The following ECT2L variants were observed in gnomAD, a reference collection of about 807,000 sequenced individuals.
ECT2L encodes the protein epithelial cell transforming 2 like.
Under a neutral mutation model 122.8 loss-of-function variants are expected in ECT2L, and 126 were observed. The observed-to-expected ratio is 1.03, with a 90% CI of 0.89 to 1.19. The LOEUF (loss-of-function observed/expected upper bound fraction) is 1.19, where lower values mean the gene tolerates loss of function less well. Among genes scored for constraint, ECT2L ranks in the 50% most tolerant of loss-of-function variants. ECT2L has a pLI of 0.00. For synonymous variants in ECT2L, 385 were observed against 381.8 expected (o/e 1.01, Z -0.10); for missense variants, 1,012 against 1,064.1 (o/e 0.95, Z 0.68).
chr6:138,881,306 C>A, intron 15 of ECT2L, 135 bp downstream of exon 15: 1 of 847,098 alleles, frequency 1.2e-6, no homozygotes, highest in Non-Finnish European at 1.8e-6. Context: ...GCAGCGAGAT[C>A]CTCATCACAT....
intron 12 of ECT2L, among the ~76,000 whole-genome samples, chr6:138,866,715 T>C (rs1320961091): frequency 6.6e-6 from 1 of 152,208 alleles, no homozygotes. Flanking sequence ...TAAAAATATT[T>C]TAAAAATTAA....
At chr6:138,888,593 C>A (rs982966848) in intron 19 of ECT2L, among the ~76,000 whole-genome samples, 3 of 152,154 alleles carry the variant, frequency 2.0e-5, no homozygotes, top group Non-Finnish European at 2.9e-5. Flanking sequence ...GGATTACAGG[C>A]ATGAGCCACC....
At chr6:138,835,640 C>T (rs981489496) in intron 4 of ECT2L, among the ~76,000 whole-genome samples, 4 of 151,874 alleles carry the variant, frequency 2.6e-5, no homozygotes, top group Admixed American at 6.6e-5. Context: ...GAGTAAATTA[C>T]GAACATGATG....
chr6:138,813,252 A>C lies in ECT2L; in HGVS notation c.-23A>C. On this transcript the variant is annotated 5_prime_UTR_variant, in exon 3 of 22. Transcript: ENST00000541398. The stretch of plus-strand genomic sequence containing the variant: ...AAATTTGCTGAGACGTCAGCTGGGG[A>C]TTCTTCCTGGAGAACTCCAGAAATG... 6.3e-7 allele frequency: 1 copy of C among 1,596,072 alleles called. No individual in the cohort carries two copies. Among genetic ancestry groups the C allele is most frequent in the Non-Finnish European group, 8.5e-7 (1 of 1,173,898 alleles).
chr6:138,885,424 C>A, intron 16 of ECT2L, 82 bp from the exon 17 acceptor site: 1 of 1,391,166 alleles, frequency 7.2e-7, no homozygotes, highest in Non-Finnish European at 1.0e-6. Flanking sequence ...TTCAGGCATT[C>A]CATAGATCAT....
At chr6:138,811,772 C>A (rs578135116) in intron 1 of ECT2L, among the ~76,000 whole-genome samples, 1 of 152,098 alleles carries the variant, frequency 6.6e-6, no homozygotes, top group Admixed American at 6.5e-5. Context: ...CGCTGCCTCC[C>A]GGTTCAAGCG....
intron 1 of ECT2L, among the ~76,000 whole-genome samples, chr6:138,805,925 T>C (rs917027745): frequency 1.3e-4 from 20 of 152,206 alleles, no homozygotes; most frequent in Non-Finnish European, 2.2e-4. Flanking sequence ...GGTATGTGGG[T>C]ACAGGGATGG....
At chr6:138,857,264 T>C (rs1358714938) in intron 10 of ECT2L, among the ~76,000 whole-genome samples, 1 of 152,158 alleles carries the variant, frequency 6.6e-6, no homozygotes, top group Admixed American at 6.5e-5. Flanking sequence ...ACTTTTTAAG[T>C]TGACAAGACC....
intron 7 of ECT2L, among the ~76,000 whole-genome samples, chr6:138,845,871 G>C (rs1010783957): frequency 3.9e-5 from 6 of 152,034 alleles, no homozygotes; most frequent in African/African-American, 1.2e-4. Context: ...AGGAGTTGGA[G>C]ACCAGCCTAG....
chr6:138,866,482 C>T (rs1045424963), intron 12 of ECT2L, among the ~76,000 whole-genome samples: 10 of 152,056 alleles, frequency 6.6e-5, no homozygotes, highest in Non-Finnish European at 1.3e-4. Flanking sequence ...AACTCCTGAC[C>T]TCAAGTGATC....
intron 4 of ECT2L, among the ~76,000 whole-genome samples, chr6:138,822,130 A>T (rs1170299389): frequency 6.6e-6 from 1 of 152,256 alleles, no homozygotes; most frequent in Non-Finnish European, 1.5e-5. Flanking sequence ...TCTATTTTTC[A>T]ACGTTTATTC....
chr6:138,817,676 T>C (rs1488883429), intron 4 of ECT2L, among the ~76,000 whole-genome samples: 2 of 152,244 alleles, frequency 1.3e-5, no homozygotes, highest in African/African-American at 4.8e-5. Context: ...CCTGGCCTAA[T>C]AAGTATTCCC....
At position 138,884,064 on chromosome 6, in the gene ECT2L, C is replaced by T. The variant is rs754008042; in HGVS notation, c.2028+1193C>T. ...TATTTTTTGTAGAGACGGAGTTTCACCATGTTGTCCAGGCTGGTCTTAAAC... is the reference window on the plus strand; with the variant it reads ...TATTTTTTGTAGAGACGGAGTTTCATCATGTTGTCCAGGCTGGTCTTAAAC... On this transcript the variant is annotated intron_variant, in intron 16 of 21. Coordinates refer to ENST00000541398, the MANE Select transcript of ECT2L (RefSeq NM_001077706.3). Among the ~76,000 whole-genome samples, 90 of 152,252 alleles carry T rather than the reference C, an allele frequency of 5.9e-4. No individual in the cohort carries two copies. The Middle Eastern group carries it at 0.01, about 17-fold the overall frequency.
At chr6:138,814,439 T>G in intron 3 of ECT2L, 52 bp from the exon 4 acceptor site, 1 of 1,173,410 alleles carries the variant, frequency 8.5e-7, no homozygotes, top group Non-Finnish European at 1.2e-6. Context: ...GCTTAGCAAT[T>G]AAAAACAATG....
intron 21 of ECT2L, among the ~76,000 whole-genome samples, chr6:138,901,592 C>A (rs1411167402): frequency 1.3e-5 from 2 of 152,180 alleles, no homozygotes; most frequent in Non-Finnish European, 2.9e-5. Context: ...AAGGAATCAA[C>A]AGATATGCAA....
At chr6:138,815,389 A>G (rs1185767198) in intron 4 of ECT2L, among the ~76,000 whole-genome samples, 3 of 152,216 alleles carry the variant, frequency 2.0e-5, no homozygotes, top group African/African-American at 7.2e-5. Context: ...TGACCGAAAT[A>G]TTCTAGAGAG....
chr6:138,887,448 G>A (rs965419984), intron 19 of ECT2L, among the ~76,000 whole-genome samples: 1 of 151,888 alleles, frequency 6.6e-6, no homozygotes, highest in Admixed American at 6.6e-5. Context: ...GGATAGTCTC[G>A]ATCTCCTGAC....
chr6:138,821,626 A>G (rs977112338), intron 4 of ECT2L, among the ~76,000 whole-genome samples: 63 of 152,242 alleles, frequency 4.1e-4, no homozygotes, highest in African/African-American at 1.4e-3. Context: ...TATTTCACCT[A>G]CATAAGGGTA....
At chr6:138,804,054 C>G (rs1479029580) in intron 1 of ECT2L, among the ~76,000 whole-genome samples, 1 of 152,176 alleles carries the variant, frequency 6.6e-6, no homozygotes, top group South Asian at 2.1e-4. Context: ...AAGTGGTTGT[C>G]CACCTTGAGT....
Sources: gnomAD v4.1 joint callset for allele counts (sites outside exome capture counted in the v4.1 genomes callset) on GRCh38, gnomAD v4.1.1 for gene constraint, MANE v1.5 for transcripts, NCBI Gene and HGNC (gene_info 2026-07-23, HGNC 2026-07-21) for gene names.